PCDH15: variants seen among roughly 807,000 people sequenced by gnomAD.
PCDH15 encodes protocadherin related 15, also known as protocadherin-15.
Under a neutral mutation model 178.5 loss-of-function variants are expected in PCDH15, and 129 were observed. That is an observed-to-expected ratio of 0.72 (90% CI 0.63 to 0.84). The LOEUF is 0.84. Ranked by LOEUF, PCDH15 falls within the 40% of genes least tolerant of loss-of-function variation. PCDH15 has a pLI of 0.00. For synonymous variants in PCDH15, 800 were observed against 732.0 expected (o/e 1.09, Z -1.50); for missense variants, 2,230 against 2,099.9 (o/e 1.06, Z -1.21).
At chr10:55,470,473 T>G (rs980726246) in intron 2 of PCDH15, among the ~76,000 whole-genome samples, 1 of 152,226 alleles carries the variant, frequency 6.6e-6, no homozygotes, top group African/African-American at 2.4e-5. Context: ...TTAAGTAATT[T>G]ATTATCATGA....
At chr10:55,403,924 A>C (rs1838134503) in intron 2 of PCDH15, among the ~76,000 whole-genome samples, 1 of 152,012 alleles carries the variant, frequency 6.6e-6, no homozygotes, top group Admixed American at 6.6e-5. Context: ...GAAGTTAATC[A>C]CTTTTATGTT....
At chr10:55,081,185 T>C (rs1460769020) in intron 2 of PCDH15, among the ~76,000 whole-genome samples, 4 of 152,138 alleles carry the variant, frequency 2.6e-5, no homozygotes, top group African/African-American at 9.7e-5. Context: ...CTTTCTTCCA[T>C]CTCCTTCTCT....
At chr10:55,015,510 T>C (rs1247963398) in intron 2 of PCDH15, among the ~76,000 whole-genome samples, 1 of 152,130 alleles carries the variant, frequency 6.6e-6, no homozygotes. Context: ...GGAAGTCCAG[T>C]CAAAAATAAG....
intron 2 of PCDH15, among the ~76,000 whole-genome samples, chr10:55,328,445 T>A (rs74728489): frequency 6.6e-6 from 1 of 151,844 alleles, no homozygotes; most frequent in Non-Finnish European, 1.5e-5. Context: ...CTGTAGGCAA[T>A]TGAAACACAA....
At chr10:54,633,278 TG>T (rs980899182) in intron 2 of PCDH15, among the ~76,000 whole-genome samples, 1 of 152,108 alleles carries the variant, frequency 6.6e-6, no homozygotes, top group Non-Finnish European at 1.5e-5. Context: ...CTGAATGCCT[TG>T]GGTTTTAAGC....
chr10:53,899,230 G>A (rs2082166222), intron 26 of PCDH15, among the ~76,000 whole-genome samples: 1 of 151,592 alleles, frequency 6.6e-6, no homozygotes, highest in Non-Finnish European at 1.5e-5. Flanking sequence ...TCAGTACAGA[G>A]TAAGAACACA....
intron 1 of PCDH15, among the ~76,000 whole-genome samples, chr10:54,674,678 T>C (rs1472854882): frequency 6.6e-6 from 1 of 152,136 alleles, no homozygotes; most frequent in Non-Finnish European, 1.5e-5. Context: ...CCTTCATTTA[T>C]GACACAAATC....
intron 2 of PCDH15, among the ~76,000 whole-genome samples, chr10:55,162,840 C>T (rs1027750566): frequency 1.3e-5 from 2 of 152,048 alleles, no homozygotes; most frequent in African/African-American, 4.8e-5. Context: ...AGTCTCAGTC[C>T]CTCTGCTTAG....
intron 2 of PCDH15, among the ~76,000 whole-genome samples, chr10:55,029,911 C>G (rs932636784): frequency 6.6e-6 from 1 of 152,072 alleles, no homozygotes; most frequent in Non-Finnish European, 1.5e-5. Flanking sequence ...ATGAAAGAAA[C>G]TGAACTTTCC....
At position 54,783,876 on chromosome 10, in the gene PCDH15, A is replaced by G. The variant is rs1013368816; in HGVS notation, c.-29+17049T>C. On this transcript the variant is annotated intron_variant, in intron 1 of 37. Coordinates refer to ENST00000644397, the MANE Select transcript of PCDH15 (RefSeq NM_001384140.1). ...TATTAATCTGTTTTCATAATGCTAT[A>G]AAGAACTGCCCAAGACTGGGCAATT... Among the ~76,000 whole-genome samples, 4 of 152,226 alleles carry G rather than the reference A, an allele frequency of 2.6e-5. No individual in the cohort carries two copies. In the East Asian group the frequency reaches 7.8e-4, roughly 30 times the overall value.
At chr10:54,490,775 C>A (rs2079522539) in intron 3 of PCDH15, among the ~76,000 whole-genome samples, 1 of 152,042 alleles carries the variant, frequency 6.6e-6, no homozygotes, top group African/African-American at 2.4e-5. Flanking sequence ...ATATGTAGGG[C>A]TTTTTGTCAA....
intron 5 of PCDH15, among the ~76,000 whole-genome samples, chr10:54,361,949 T>C (rs1946115183): frequency 1.3e-5 from 2 of 152,078 alleles, no homozygotes; most frequent in African/African-American, 4.8e-5. Context: ...GATTGGCTAC[T>C]TATCAGCAGT....
intron 2 of PCDH15, among the ~76,000 whole-genome samples, chr10:55,337,576 AATTT>A (rs1317251025): frequency 6.6e-6 from 1 of 152,214 alleles, no homozygotes; most frequent in Non-Finnish European, 1.5e-5. Context: ...TTAGTTTATA[AATTT>A]TGTATCAGGC....
intron 1 of PCDH15, among the ~76,000 whole-genome samples, chr10:55,249,845 T>C (rs1841787440): frequency 2.0e-5 from 3 of 152,008 alleles, no homozygotes; most frequent in African/African-American, 7.2e-5. Context: ...ATGTTTTTTC[T>C]GGTTTATTCA....
chr10:53,918,475 T>G (rs1348326033), intron 25 of PCDH15, among the ~76,000 whole-genome samples: 7 of 152,150 alleles, frequency 4.6e-5, no homozygotes, highest in Admixed American at 3.9e-4. Flanking sequence ...GGCAATCAAA[T>G]AGTAGTACTG....
chr10:55,348,971 G>A (rs1347765424), intron 2 of PCDH15, among the ~76,000 whole-genome samples: 3 of 152,120 alleles, frequency 2.0e-5, no homozygotes, highest in African/African-American at 7.2e-5. Context: ...ACAAAACATT[G>A]TGGACATGAG....
At chr10:54,674,816 A>T (rs944259450) in intron 1 of PCDH15, among the ~76,000 whole-genome samples, 1 of 152,108 alleles carries the variant, frequency 6.6e-6, no homozygotes, top group Non-Finnish European at 1.5e-5. Flanking sequence ...ATTCAAACTC[A>T]TGTTGTCCAA....
chr10:54,223,323 A>AAAAG (rs1554845568), intron 9 of PCDH15, among the ~76,000 whole-genome samples: 12 of 123,806 alleles, frequency 9.7e-5, no homozygotes, highest in African/African-American at 2.6e-4. Context: ...AAAAAAAAAA[A>AAAAG]AGAGAAATTG....
At chr10:54,055,320 T>G (rs13376870) in intron 18 of PCDH15, among the ~76,000 whole-genome samples, 3,075 of 152,286 alleles carry the variant, frequency 0.02, 110 homozygotes, top group African/African-American at 0.072. Context: ...AGACTTATGG[T>G]TCTATTTTTG....
Sources: allele counts gnomAD v4.1 joint callset (sites outside exome capture counted in the v4.1 genomes callset), GRCh38; gene constraint gnomAD v4.1.1; transcripts MANE v1.5; gene names NCBI Gene and HGNC (gene_info 2026-07-23, HGNC 2026-07-21).